SLCO5A1: variants seen among roughly 807,000 people sequenced by gnomAD.
The protein encoded by SLCO5A1 is organic anion transporter polypeptide-related protein 4.
A neutral mutation model predicts 65.1 loss-of-function variants in SLCO5A1; 39 were observed. The ratio of observed to expected loss-of-function variants is 0.60; its 90% CI spans 0.46 to 0.78. The LOEUF (loss-of-function observed/expected upper bound fraction) is 0.78. Ranked by LOEUF, SLCO5A1 falls within the 30% of genes least tolerant of loss-of-function variation. SLCO5A1 has a pLI of 0.00. For synonymous variants in SLCO5A1, 438 were observed against 415.7 expected (o/e 1.05, Z -0.65); for missense variants, 1,029 against 1,069.4 (o/e 0.96, Z 0.53).
intron 5 of SLCO5A1, among the ~76,000 whole-genome samples, chr8:69,735,652 A>AC (rs1202142685): frequency 6.6e-6 from 1 of 152,168 alleles, no homozygotes; most frequent in African/African-American, 2.4e-5. Flanking sequence ...GGAACAACAC[A>AC]CACTGGGGTC....
chr8:69,768,330 T>C (rs1291434184), intron 2 of SLCO5A1, among the ~76,000 whole-genome samples: 5 of 152,242 alleles, frequency 3.3e-5, no homozygotes, highest in African/African-American at 1.2e-4. Flanking sequence ...CCTATGTCTC[T>C]GGTTCCTCCT....
chr8:69,798,262 A>G (rs1819583566), intron 2 of SLCO5A1, among the ~76,000 whole-genome samples: 1 of 152,166 alleles, frequency 6.6e-6, no homozygotes, highest in African/African-American at 2.4e-5. Context: ...CTGTATGGCA[A>G]TGCCCCACTC....
chr8:69,830,437 C>T (rs1327967048), intron 2 of SLCO5A1, among the ~76,000 whole-genome samples: 1 of 152,168 alleles, frequency 6.6e-6, no homozygotes, highest in Non-Finnish European at 1.5e-5. Flanking sequence ...AAGCAATCCT[C>T]CTGCCTCAGC....
intron 5 of SLCO5A1, among the ~76,000 whole-genome samples, chr8:69,735,227 G>A (rs1186626135): frequency 1.3e-5 from 2 of 152,200 alleles, no homozygotes; most frequent in African/African-American, 4.8e-5. Flanking sequence ...TGGTGCAAAT[G>A]TAAATTAGTT....
At chr8:69,799,485 A>G (rs1819646486) in intron 2 of SLCO5A1, among the ~76,000 whole-genome samples, 1 of 152,186 alleles carries the variant, frequency 6.6e-6, no homozygotes, top group Non-Finnish European at 1.5e-5. Context: ...ACGATATGCT[A>G]TTGATCTAGG....
chr8:69,825,971 C>T (rs1466003461), intron 2 of SLCO5A1, among the ~76,000 whole-genome samples: 21 of 152,044 alleles, frequency 1.4e-4, no homozygotes, highest in Admixed American at 2.0e-4. Context: ...TCAGAAATAA[C>T]GCTGCATATC....
intron 4 of SLCO5A1, among the ~76,000 whole-genome samples, chr8:69,753,771 G>A (rs573352952): frequency 6.6e-6 from 1 of 152,092 alleles, no homozygotes; most frequent in African/African-American, 2.4e-5. Flanking sequence ...AGCACTTTGA[G>A]AGGCCGAGGA....
At chr8:69,824,503 C>G (rs1472315004) in intron 2 of SLCO5A1, among the ~76,000 whole-genome samples, 2 of 152,076 alleles carry the variant, frequency 1.3e-5, no homozygotes, top group Admixed American at 6.6e-5. Context: ...AAACACCTCT[C>G]CGCAAATAAA....
intron 2 of SLCO5A1, among the ~76,000 whole-genome samples, chr8:69,803,142 G>T (rs916773057): frequency 6.6e-6 from 1 of 152,146 alleles, no homozygotes; most frequent in South Asian, 2.1e-4. Context: ...TTGGCCAGGC[G>T]CAGTAGCTCA....
chr8:69,825,017 A>T (rs1435431332), intron 2 of SLCO5A1, among the ~76,000 whole-genome samples: 2 of 152,196 alleles, frequency 1.3e-5, no homozygotes, highest in Non-Finnish European at 2.9e-5. Flanking sequence ...ACAGAACCAA[A>T]GACAAAAACC....
At chr8:69,691,413 C>A (rs754672132) in intron 6 of SLCO5A1, among the ~76,000 whole-genome samples, 5 of 152,182 alleles carry the variant, frequency 3.3e-5, no homozygotes, top group African/African-American at 1.2e-4. Flanking sequence ...ATTGTTGACT[C>A]TAGACATGAT....
intron 6 of SLCO5A1, among the ~76,000 whole-genome samples, chr8:69,691,861 A>C (rs1814274578): frequency 6.6e-6 from 1 of 152,214 alleles, no homozygotes; most frequent in East Asian, 1.9e-4. Flanking sequence ...CTGGGCTACA[A>C]ACCTGTACGG....
At chr8:69,804,443 A>T (rs1326386392) in intron 2 of SLCO5A1, among the ~76,000 whole-genome samples, 3 of 152,042 alleles carry the variant, frequency 2.0e-5, no homozygotes, top group Non-Finnish European at 2.9e-5. Context: ...CCTCCCAAGT[A>T]GCTTGGATTA....
chr8:69,830,118 T>C (rs1023178677), intron 2 of SLCO5A1, among the ~76,000 whole-genome samples: 4 of 152,230 alleles, frequency 2.6e-5, no homozygotes, highest in African/African-American at 7.2e-5. Context: ...CATGTAGTGA[T>C]AAAAATAAGT....
intron 5 of SLCO5A1, among the ~76,000 whole-genome samples, chr8:69,711,397 C>T (rs1342157924): frequency 1.3e-5 from 2 of 152,166 alleles, no homozygotes; most frequent in African/African-American, 4.8e-5. Flanking sequence ...AGTTCCTGCT[C>T]CAGCGCCCTC....
intron 2 of SLCO5A1, among the ~76,000 whole-genome samples, chr8:69,808,682 C>T (rs953754083): frequency 6.6e-6 from 1 of 152,016 alleles, no homozygotes; most frequent in Non-Finnish European, 1.5e-5. Context: ...GAGTTTATAC[C>T]CAGTAATGAG....
intron 5 of SLCO5A1, 53 bp from the exon 6 acceptor site, chr8:69,705,282 A>T: frequency 6.4e-7 from 1 of 1,554,970 alleles, no homozygotes; most frequent in East Asian, 2.2e-5. Flanking sequence ...ACTATTATTC[A>T]TCTTATCTAT....
At chr8:69,811,243 C>T (rs1320928132) in intron 2 of SLCO5A1, among the ~76,000 whole-genome samples, 5 of 152,146 alleles carry the variant, frequency 3.3e-5, no homozygotes, top group Non-Finnish European at 5.9e-5. Context: ...CGTGAGCTTA[C>T]GTGTTTGGGG....
chr8:69,800,211 G>A (rs1819673337), intron 2 of SLCO5A1, among the ~76,000 whole-genome samples: 2 of 139,714 alleles, frequency 1.4e-5, no homozygotes, highest in South Asian at 4.6e-4. Flanking sequence ...AAAAGCCTTG[G>A]TATTTTACAT....
Sources: gnomAD v4.1 joint callset for allele counts (sites outside exome capture counted in the v4.1 genomes callset) on GRCh38, gnomAD v4.1.1 for gene constraint, MANE v1.5 for transcripts, NCBI Gene and HGNC (gene_info 2026-07-23, HGNC 2026-07-21) for gene names.